The following TMEM135 variants were observed in gnomAD, a reference collection of about 807,000 sequenced individuals.
TMEM135 encodes the protein transmembrane protein 135.
Under a neutral mutation model 60.3 loss-of-function variants are expected in TMEM135, and 30 were observed. That is an observed-to-expected ratio of 0.50 (90% confidence interval 0.37 to 0.68). The LOEUF is 0.68. Among genes scored for constraint, TMEM135 ranks in the 30% least tolerant of loss-of-function variants. TMEM135 has a pLI of 0.00. For synonymous variants in TMEM135, 190 were observed against 186.7 expected, an observed-to-expected ratio of 1.02 and a Z score of -0.14; for missense variants, 468 against 548.8, an observed-to-expected ratio of 0.85 and a Z score of 1.47.
intron 5 of TMEM135, among the ~76,000 whole-genome samples, chr11:87,191,537 T>C (rs762640622): frequency 6.1e-4 from 92 of 152,058 alleles, no homozygotes; most frequent in Non-Finnish European, 7.9e-4. Context: ...CACCATTCTA[T>C]TCATTAGGAG....
At chr11:87,122,886 A>T (rs1937625915) in intron 4 of TMEM135, among the ~76,000 whole-genome samples, 1 of 152,210 alleles carries the variant, frequency 6.6e-6, no homozygotes, top group African/African-American at 2.4e-5. Flanking sequence ...TCCCTTAAAC[A>T]TTAATGCTGA....
chr11:87,258,880 C>T (rs992149079), intron 6 of TMEM135: 33 of 928,392 alleles, frequency 3.6e-5, no homozygotes, highest in Non-Finnish European at 5.5e-5. Context: ...AGGAAGAGCC[C>T]CTTGCATTCT....
intron 8 of TMEM135, among the ~76,000 whole-genome samples, 153 bp from the exon 9 acceptor site, chr11:87,305,783 A>ATAAT (rs1351595580): frequency 1.3e-5 from 2 of 148,154 alleles, no homozygotes; most frequent in African/African-American, 5.1e-5. Flanking sequence ...CTCAAAATAA[A>ATAAT]TAAATAAATA....
At chr11:87,075,345 G>A (rs1163578717) in intron 3 of TMEM135, among the ~76,000 whole-genome samples, 1 of 151,646 alleles carries the variant, frequency 6.6e-6, no homozygotes, top group African/African-American at 2.4e-5. Context: ...TAGTAGAGAC[G>A]GGATTTCACA....
At chr11:87,295,699 A>G (rs971876268) in intron 6 of TMEM135, 83 bp from the exon 7 acceptor site, 20 of 1,215,958 alleles carry the variant, frequency 1.6e-5, no homozygotes, top group Non-Finnish European at 2.2e-5. Flanking sequence ...CATCTTTTAA[A>G]ACATTATTTT....
At chr11:87,190,824 T>G (rs1299075417) in intron 5 of TMEM135, among the ~76,000 whole-genome samples, 3 of 152,220 alleles carry the variant, frequency 2.0e-5, no homozygotes, top group Non-Finnish European at 4.4e-5. Context: ...TTTTTTTGTC[T>G]TCATGTATAC....
Position 87,327,805 on chromosome 11 carries a change from A to G in TMEM135, c.*6472A>G, listed in dbSNP as rs1446306845. 8.8e-6 allele frequency: 4 copies of G among 454,038 alleles called. No individual in the cohort carries two copies. In the East Asian group the frequency reaches 2.8e-4, roughly 32 times the overall value. The allele number at this position is 454,038 out of a possible 1,614,324, so 28.1% of individuals were successfully genotyped here. ...GATAGTTTTAAGTCCTGGAGTCCCA[A>G]GGTTAGAGGATCTGGGGTCCTAATG... On this transcript the variant is annotated 3_prime_UTR_variant, in exon 15 of 15. Coordinates refer to ENST00000305494, the MANE Select transcript of TMEM135 (RefSeq NM_022918.4).
chr11:87,222,610 CCTGA>C (rs1940659773), intron 5 of TMEM135, among the ~76,000 whole-genome samples: 1 of 151,578 alleles, frequency 6.6e-6, no homozygotes, highest in African/African-American at 2.4e-5. Context: ...TCGAGACCAG[CCTGA>C]CTAACATAGT....
intron 4 of TMEM135, among the ~76,000 whole-genome samples, chr11:87,106,391 A>C (rs895567334): frequency 1.6e-4 from 25 of 152,142 alleles, no homozygotes; most frequent in African/African-American, 6.0e-4. Context: ...AGCATGAGCC[A>C]CTGCACCCGG....
At chr11:87,243,987 T>G (rs1591132843) in intron 6 of TMEM135, among the ~76,000 whole-genome samples, 1 of 83,668 alleles carries the variant, frequency 1.2e-5, no homozygotes, top group East Asian at 2.2e-4. Flanking sequence ...GGCTGTGGGT[T>G]TGTCATAGAT....
At chr11:87,202,726 A>G (rs1431307237) in intron 5 of TMEM135, among the ~76,000 whole-genome samples, 5 of 138,908 alleles carry the variant, frequency 3.6e-5, no homozygotes, top group African/African-American at 5.3e-5. Flanking sequence ...TTTTTAAAAG[A>G]CTTTAAAAAA....
intron 4 of TMEM135, among the ~76,000 whole-genome samples, chr11:87,134,259 A>G (rs1006404278): frequency 1.3e-5 from 2 of 151,828 alleles, no homozygotes; most frequent in African/African-American, 4.8e-5. Flanking sequence ...GTGTCTAAAT[A>G]TTTTCTTCCT....
chr11:87,160,934 C>T (rs1230650258), intron 5 of TMEM135, among the ~76,000 whole-genome samples: 1 of 152,280 alleles, frequency 6.6e-6, no homozygotes, highest in South Asian at 2.1e-4. Context: ...GAGTCTCACT[C>T]TCTCGCCCAG....
Position 87,228,479 on chromosome 11 carries a change from C to T in TMEM135, c.463-8159C>T, listed in dbSNP as rs547252079. Among the ~76,000 whole-genome samples the T allele has an allele frequency of 5.8e-4, 88 of 152,150 alleles. No homozygotes were observed. The Middle Eastern group carries it at 0.01, about 18-fold the overall frequency. ...GAAGTACAGACGGCGCAAGAGGAAG[C>T]GTATTGCTCTTCTTGAGAAGAGCAA... On this transcript the variant is annotated intron_variant, in intron 5 of 14. Coordinates refer to ENST00000305494, the MANE Select transcript of TMEM135 (RefSeq NM_022918.4).
intron 8 of TMEM135, among the ~76,000 whole-genome samples, chr11:87,303,062 A>T (rs1942475252): frequency 6.6e-6 from 1 of 152,236 alleles, no homozygotes; most frequent in Non-Finnish European, 1.5e-5. Context: ...CAATAAAGAA[A>T]GTTAGGGGAT....
chr11:87,187,180 A>C (rs1321717341), intron 5 of TMEM135, among the ~76,000 whole-genome samples: 1 of 152,078 alleles, frequency 6.6e-6, no homozygotes, highest in African/African-American at 2.4e-5. Context: ...CATTAATAAA[A>C]CTCTTACAAT....
At chr11:87,186,313 TAAG>T (rs1939652777) in intron 5 of TMEM135, among the ~76,000 whole-genome samples, 1 of 152,194 alleles carries the variant, frequency 6.6e-6, no homozygotes, top group South Asian at 2.1e-4. Context: ...TCTGGTAAGA[TAAG>T]AAGTTCTAGG....
At chr11:87,180,378 C>G (rs576539818) in intron 5 of TMEM135, among the ~76,000 whole-genome samples, 1 of 152,204 alleles carries the variant, frequency 6.6e-6, no homozygotes, top group South Asian at 2.1e-4. Context: ...CCACTTCTCC[C>G]CAAGGCAGAT....
chr11:87,217,915 C>T (rs1223754039), intron 5 of TMEM135, among the ~76,000 whole-genome samples: 1 of 152,072 alleles, frequency 6.6e-6, no homozygotes, highest in Non-Finnish European at 1.5e-5. Context: ...GGATTCATGT[C>T]ATGGAGAAGA....
Sources: allele counts gnomAD v4.1 joint callset (sites outside exome capture counted in the v4.1 genomes callset), GRCh38; gene constraint gnomAD v4.1.1; transcripts MANE v1.5; gene names NCBI Gene and HGNC (gene_info 2026-07-23, HGNC 2026-07-21).